ZNF804B: variants seen among roughly 807,000 people sequenced by gnomAD.
ZNF804B encodes zinc finger 804B.
A neutral mutation model predicts 101.4 loss-of-function variants in ZNF804B; 80 were observed. That is an observed-to-expected ratio of 0.79 (90% CI 0.66 to 0.95). ZNF804B has a LOEUF of 0.95. ZNF804B is among the 40% of genes least tolerant of loss of function. ZNF804B has a pLI of 0.00. For missense variants in ZNF804B, 1,673 were observed against 1,561.9 expected, an observed-to-expected ratio of 1.07 and a Z score of -1.20; for synonymous variants, 622 against 558.8, an observed-to-expected ratio of 1.11 and a Z score of -1.59.
At chr7:89,087,966 A>G (rs1789831502) in intron 1 of ZNF804B, among the ~76,000 whole-genome samples, 1 of 147,042 alleles carries the variant, frequency 6.8e-6, no homozygotes, top group Non-Finnish European at 1.5e-5. Context: ...TTATATATAT[A>G]AGCTTACACA....
intron 1 of ZNF804B, among the ~76,000 whole-genome samples, chr7:88,881,217 T>A (rs995568509): frequency 6.6e-6 from 1 of 152,066 alleles, no homozygotes; most frequent in Non-Finnish European, 1.5e-5. Flanking sequence ...TTTATAAAGC[T>A]AATTTTCATA....
In ZNF804B at chr7:89,247,921, A is replaced by T. The variant is rs556425862; in HGVS notation, c.249+29626A>T. On this transcript the variant is annotated intron_variant, in intron 2 of 3. Transcript: ENST00000333190. ...AAGAAAAATTAATCAGATCTTCTGG[A>T]ATTGAAAAACTCACTTAAAGGAATT... 2.0e-5 allele frequency among the ~76,000 whole-genome samples: 3 copies of T among 152,346 alleles called. No individual in the cohort carries two copies. The South Asian group carries it at 6.2e-4, about 32-fold the overall frequency.
chr7:89,192,030 C>G (rs1788462865), intron 1 of ZNF804B, among the ~76,000 whole-genome samples: 1 of 151,994 alleles, frequency 6.6e-6, no homozygotes, highest in Admixed American at 6.6e-5. Flanking sequence ...TAATATCTGT[C>G]TAGAACTTTT....
intron 1 of ZNF804B, among the ~76,000 whole-genome samples, chr7:88,924,272 A>G (rs1410936285): frequency 6.6e-6 from 1 of 152,092 alleles, no homozygotes; most frequent in African/African-American, 2.4e-5. Context: ...CTGATTGGTT[A>G]AAAAATCTAT....
At chr7:89,076,506 C>T (rs1789616840) in intron 1 of ZNF804B, among the ~76,000 whole-genome samples, 1 of 152,060 alleles carries the variant, frequency 6.6e-6, no homozygotes, top group South Asian at 2.1e-4. Context: ...TCTTTTTCTT[C>T]CCAGTCTCAG....
chr7:88,792,636 C>A (rs549656684), intron 1 of ZNF804B, among the ~76,000 whole-genome samples: 3 of 152,082 alleles, frequency 2.0e-5, no homozygotes, highest in Admixed American at 6.6e-5. Flanking sequence ...ATTGACATGC[C>A]CCTGTGTCTT....
chr7:88,763,546 C>T (rs2519940), intron 1 of ZNF804B, among the ~76,000 whole-genome samples: 57,556 of 148,576 alleles, frequency 0.39, 13,637 homozygotes, highest in African/African-American at 0.69. Flanking sequence ...AATCCAGGGA[C>T]ATATTAAAGA....
At position 89,338,281 on chromosome 7, in the gene ZNF804B, T is replaced by A. The variant is rs981182710; in HGVS notation, c.*1249T>A. On this transcript the variant is annotated 3_prime_UTR_variant, in exon 4 of 4. Coordinates refer to ENST00000333190, the MANE Select transcript of ZNF804B (RefSeq NM_181646.5). ...CCTCTACCACTAGAAGATTAGAGGA[T>A]GTCTTCTTCAGCCTTGGCTGCAAAA... Among the ~76,000 whole-genome samples the A allele has an allele frequency of 2.6e-5, 4 of 152,092 alleles. No individual in the cohort carries two copies. The highest frequency in any genetic ancestry group is 9.7e-5 in the African/African-American group (4 of 41,450).
rs2061873973 is a variant in ZNF804B, at chr7:89,337,236, T to C, written c.*204T>C. ...TTAGCTTGCCAAAATAATAGGCAAATTTGAATAATTTTATGAAAGCGTAGA... is the reference window on the plus strand; with the variant it reads ...TTAGCTTGCCAAAATAATAGGCAAACTTGAATAATTTTATGAAAGCGTAGA... On this transcript the variant is annotated 3_prime_UTR_variant, in exon 4 of 4. Coordinates refer to ENST00000333190, the MANE Select transcript of ZNF804B (RefSeq NM_181646.5). Among the ~76,000 whole-genome samples the C allele has an allele frequency of 6.6e-6, 1 of 152,114 alleles. No individual in the cohort carries two copies. The highest frequency in any genetic ancestry group is 2.1e-4 in the South Asian group (1 of 4,832).
At chr7:89,220,245 A>T (rs1464832032) in intron 2 of ZNF804B, among the ~76,000 whole-genome samples, 2 of 150,712 alleles carry the variant, frequency 1.3e-5, no homozygotes, top group African/African-American at 4.9e-5. Context: ...TAAACGTAAG[A>T]TATATGTATA....
intron 1 of ZNF804B, among the ~76,000 whole-genome samples, chr7:88,828,547 C>T (rs2115776702): frequency 6.6e-6 from 1 of 152,204 alleles, no homozygotes; most frequent in East Asian, 1.9e-4. Context: ...ATTTAAACAT[C>T]ATTTCCTGAG....
At chr7:88,890,308 A>AT (rs754196937) in intron 1 of ZNF804B, among the ~76,000 whole-genome samples, 3 of 152,116 alleles carry the variant, frequency 2.0e-5, no homozygotes, top group Non-Finnish European at 2.9e-5. Flanking sequence ...TGTTCAAACA[A>AT]TTTTTTAATG....
chr7:89,073,833 T>A (rs1005771445), intron 1 of ZNF804B, among the ~76,000 whole-genome samples: 1 of 152,232 alleles, frequency 6.6e-6, no homozygotes, highest in East Asian at 1.9e-4. Context: ...TCTAAATTTT[T>A]AACTTTGTTA....
At chr7:89,078,909 G>T (rs899366779) in intron 1 of ZNF804B, among the ~76,000 whole-genome samples, 1 of 151,964 alleles carries the variant, frequency 6.6e-6, no homozygotes, top group Non-Finnish European at 1.5e-5. Context: ...CATTCAGGTA[G>T]ATTAAAGGAG....
At chr7:88,893,598 G>T (rs1451896451) in intron 1 of ZNF804B, among the ~76,000 whole-genome samples, 1 of 152,096 alleles carries the variant, frequency 6.6e-6, no homozygotes, top group Non-Finnish European at 1.5e-5. Context: ...AAAATAGAGT[G>T]TTGAACTTAA....
intron 1 of ZNF804B, among the ~76,000 whole-genome samples, chr7:88,774,209 T>G (rs1057264539): frequency 7.3e-5 from 11 of 151,696 alleles, no homozygotes; most frequent in East Asian, 3.9e-4. Flanking sequence ...TAAGTTTTTT[T>G]TTTTTTTTTT....
At chr7:89,040,111 T>C (rs1175337544) in intron 1 of ZNF804B, among the ~76,000 whole-genome samples, 1 of 152,036 alleles carries the variant, frequency 6.6e-6, no homozygotes, top group Non-Finnish European at 1.5e-5. Flanking sequence ...AGTTCTATAG[T>C]GCATGCATTG....
intron 2 of ZNF804B, among the ~76,000 whole-genome samples, chr7:89,278,119 C>T (rs1562934919): frequency 6.6e-6 from 1 of 152,162 alleles, no homozygotes; most frequent in African/African-American, 2.4e-5. Context: ...AGCATTTTTT[C>T]ATATGTTTCT....
At chr7:88,985,941 A>C (rs903332251) in intron 1 of ZNF804B, among the ~76,000 whole-genome samples, 9 of 152,138 alleles carry the variant, frequency 5.9e-5, no homozygotes, top group African/African-American at 2.2e-4. Flanking sequence ...AGGAACCAAT[A>C]AACTCTCATA....
Sources: gnomAD v4.1 joint callset for allele counts (sites outside exome capture counted in the v4.1 genomes callset) on GRCh38, gnomAD v4.1.1 for gene constraint, MANE v1.5 for transcripts, NCBI Gene and HGNC (gene_info 2026-07-23, HGNC 2026-07-21) for gene names.